MYH13: variants seen among roughly 807,000 people sequenced by gnomAD.
MYH13 encodes the protein myosin heavy chain 13, also known as myosin-13.
Under a neutral mutation model 232.1 loss-of-function variants are expected in MYH13, and 177 were observed. That is an observed-to-expected ratio of 0.76 (90% CI 0.67 to 0.86). The LOEUF (loss-of-function observed/expected upper bound fraction) is 0.86. MYH13 is among the 40% of genes least tolerant of loss of function. MYH13 has a pLI of 0.00. For synonymous variants in MYH13, 884 were observed against 923.5 expected, an observed-to-expected ratio of 0.96 and a Z score of 0.78; for missense variants, 2,246 against 2,405.9, an observed-to-expected ratio of 0.93 and a Z score of 1.39.
rs187606974 is a variant in MYH13 at position 10,306,113 on chromosome 17, T to C, written c.5466+346A>G. On this transcript the variant is annotated intron_variant, in intron 37 of 40. Transcript: ENST00000252172. This position sits in a 1 kb window ranked among gnomAD's most constrained non-coding sequence, Gnocchi z 4.3. Reference sequence around the variant, plus strand: ...ATGACTGTAGAGTATATGTTAATAGTTTTTTCCATGTATGTGCGTGCATCT... The same window carrying C: ...ATGACTGTAGAGTATATGTTAATAGCTTTTTCCATGTATGTGCGTGCATCT... Among the ~76,000 whole-genome samples, 34 of 152,254 alleles carry C rather than the reference T, an allele frequency of 2.2e-4. No individual in the cohort carries two copies. Among genetic ancestry groups the C allele is most frequent in the African/African-American group, 7.5e-4 (31 of 41,546 alleles).
At position 10,360,041 on chromosome 17, in the gene MYH13, G is replaced by A. The variant is rs1344953242; in HGVS notation, c.564C>T (p.Asn188=). 1 of 1,614,106 alleles carries A rather than the reference G, an allele frequency of 6.2e-7. No individual in the cohort carries two copies. Among genetic ancestry groups the A allele is most frequent in the Non-Finnish European group, 8.5e-7 (1 of 1,180,022 alleles). ...TGESGAGKTV[N]TKRVIQYFAT... ...CAAAATACTGGATGACACGCTTGGT[G>A]TTCACAGTCTTCCCAGCCCCGGATT... is the stretch of plus-strand genomic sequence containing the variant. The change falls in exon 7 of 41, where the codon AAC becomes AAT. Residue 188 remains asparagine, a synonymous_variant. Transcript: ENST00000252172.
intron 8 of MYH13, among the ~76,000 whole-genome samples, chr17:10,355,887 C>G (rs1269187802): frequency 1.4e-5 from 1 of 73,802 alleles, no homozygotes; most frequent in Non-Finnish European, 2.4e-5. Flanking sequence ...TTAATAGATG[C>G]TACTTCTGAG....
intron 8 of MYH13, among the ~76,000 whole-genome samples, chr17:10,355,828 CTTTTTTTTTTTTTTTTTTTTTT>C (rs61338527): frequency 0.012 from 784 of 66,838 alleles, 8 homozygotes; most frequent in African/African-American, 0.048. Context: ...TTCTGTCTGA[CTTTTTTTTTTTTTTTTTTTTTT>C]TTTTTTTTTT....
chr17:10,319,728 T>G (rs566899510), intron 26 of MYH13, among the ~76,000 whole-genome samples: 1 of 152,286 alleles, frequency 6.6e-6, no homozygotes, highest in South Asian at 2.1e-4. Flanking sequence ...ACTCTCAGTG[T>G]GATATGCTAA....
chr17:10,315,842 G>A, intron 28 of MYH13, 31 bp from the exon 29 acceptor site: 1 of 1,613,874 alleles, frequency 6.2e-7, no homozygotes, highest in African/African-American at 1.3e-5. Flanking sequence ...CCACGTCAGT[G>A]TTACTGACCA....
At chr17:10,307,467 T>G (rs907176040) in intron 35 of MYH13, among the ~76,000 whole-genome samples, 4 of 152,094 alleles carry the variant, frequency 2.6e-5, no homozygotes, top group Non-Finnish European at 5.9e-5. Context: ...CAATGTACAT[T>G]ACAGAAGAAA....
intron 21 of MYH13, 110 bp downstream of exon 21, chr17:10,330,277 A>G (rs964325402): frequency 2.7e-6 from 4 of 1,458,938 alleles, no homozygotes; most frequent in Non-Finnish European, 3.7e-6. Flanking sequence ...GGTTAAACAA[A>G]TGAAGGAAAG....
intron 12 of MYH13, 78 bp from the exon 13 acceptor site, chr17:10,346,876 GA>G: frequency 9.4e-7 from 1 of 1,062,162 alleles, no homozygotes; most frequent in Non-Finnish European, 1.4e-6. Context: ...GCTTCTCCCA[GA>G]AGTGTTTTCT....
At chr17:10,330,314 C>A in intron 21 of MYH13, 73 bp downstream of exon 21, 1 of 1,577,362 alleles carries the variant, frequency 6.3e-7, no homozygotes. Context: ...AATCCCAAGA[C>A]TAAAAGCAGG....
intron 23 of MYH13, 27 bp downstream of exon 23, chr17:10,323,995 C>T (rs1907101654): frequency 1.9e-6 from 3 of 1,612,198 alleles, no homozygotes; most frequent in African/African-American, 1.3e-5. Flanking sequence ...TGTTAAGACA[C>T]TGTGGGAGTC....
intron 16 of MYH13, among the ~76,000 whole-genome samples, chr17:10,343,224 G>T (rs2071633395): frequency 6.7e-6 from 1 of 150,054 alleles, no homozygotes; most frequent in South Asian, 2.1e-4. Flanking sequence ...TTTTAATAGA[G>T]TCTCACTCTG....
chr17:10,321,943 A>T (rs1379408727), intron 23 of MYH13, among the ~76,000 whole-genome samples: 2 of 152,202 alleles, frequency 1.3e-5, no homozygotes, highest in African/African-American at 2.4e-5. Flanking sequence ...ATATTTTACA[A>T]GGAAGGGCGC....
chr17:10,302,041 C>T (rs986623061), intron 39 of MYH13, among the ~76,000 whole-genome samples: 2 of 152,180 alleles, frequency 1.3e-5, no homozygotes, highest in Non-Finnish European at 2.9e-5. Context: ...AGACCAATGG[C>T]CCAAGTCTCC....
chr17:10,342,690 A>T (rs2071627398), intron 16 of MYH13, among the ~76,000 whole-genome samples: 1 of 152,078 alleles, frequency 6.6e-6, no homozygotes, highest in Non-Finnish European at 1.5e-5. Flanking sequence ...AAGAAGCCAG[A>T]CACAAAAGAG....
At chr17:10,350,877 G>T in intron 11 of MYH13, 183 bp from the exon 12 acceptor site, 1 of 756,696 alleles carries the variant, frequency 1.3e-6, no homozygotes, top group East Asian at 3.0e-5. Context: ...GTGTGGGTGG[G>T]TGAAGACTAT....
intron 15 of MYH13, among the ~76,000 whole-genome samples, chr17:10,344,392 T>G (rs976076783): frequency 6.6e-6 from 1 of 152,166 alleles, no homozygotes; most frequent in African/African-American, 2.4e-5. Context: ...AAAGTAAAGT[T>G]TCATATATAG....
intron 16 of MYH13, among the ~76,000 whole-genome samples, chr17:10,342,029 A>C (rs1197512756): frequency 6.6e-6 from 1 of 152,146 alleles, no homozygotes; most frequent in African/African-American, 2.4e-5. Flanking sequence ...AATCTTAAAA[A>C]GTGTTACTGG....
intron 8 of MYH13, 129 bp downstream of exon 8, chr17:10,357,606 T>G: frequency 8.1e-6 from 6 of 742,386 alleles, no homozygotes; most frequent in Non-Finnish European, 1.3e-5. Flanking sequence ...GTGGGTAGAT[T>G]GATCTCAATC....
intron 27 of MYH13, among the ~76,000 whole-genome samples, chr17:10,317,252 A>G (rs1906748962): frequency 6.6e-6 from 1 of 152,138 alleles, no homozygotes; most frequent in South Asian, 2.1e-4. Context: ...TGGGAGGGGA[A>G]CATTTACAGA....
Sources: allele counts gnomAD v4.1 joint callset (sites outside exome capture counted in the v4.1 genomes callset), GRCh38; gene constraint gnomAD v4.1.1; non-coding constraint Gnocchi (gnomAD v3.1); transcripts MANE v1.5; gene names NCBI Gene and HGNC (gene_info 2026-07-23, HGNC 2026-07-21).